COL4A2: variants seen among roughly 807,000 people sequenced by gnomAD.
COL4A2 encodes collagen alpha-2(IV) chain.
Under a neutral mutation model 200.2 loss-of-function variants are expected in COL4A2, and 99 were observed. The ratio of observed to expected loss-of-function variants is 0.49; its 90% CI spans 0.42 to 0.58. COL4A2 has a LOEUF of 0.58. Among genes scored for constraint, COL4A2 ranks in the 20% least tolerant of loss-of-function variants. The probability of loss-of-function intolerance (pLI) is 0.00; values close to 1 mark genes in which losing one functional copy is unlikely to be tolerated. For synonymous variants in COL4A2, 897 were observed against 900.6 expected, an observed-to-expected ratio of 1.00 and a Z score of 0.07; for missense variants, 1,950 against 2,314.1, an observed-to-expected ratio of 0.84 and a Z score of 3.23.
chr13:110,368,731 G>A (rs1877863891), intron 4 of COL4A2, among the ~76,000 whole-genome samples: 1 of 151,420 alleles, frequency 6.6e-6, no homozygotes, highest in African/African-American at 2.4e-5. Flanking sequence ...GTATTGTCAA[G>A]AAGCATCCTG....
At position 110,402,899 on chromosome 13, in the gene COL4A2, C is replaced by G. The variant is rs114403604; in HGVS notation, c.181-21835C>G. On this transcript the variant is annotated intron_variant, in intron 4 of 47. Transcript: ENST00000360467. ...TGCAGAGTTGGCACCACGTGGAGGT[C>G]ACGAAGGCTTCCTGCTTGTGTCCTC... 2.7e-3 allele frequency among the ~76,000 whole-genome samples: 411 copies of G among 152,358 alleles called. 3 individuals are homozygous for G. Among genetic ancestry groups the G allele is most frequent in the African/African-American group, 9.4e-3 (390 of 41,586 alleles).
chr13:110,425,751 C>T (rs1880447588), intron 6 of COL4A2, among the ~76,000 whole-genome samples: 1 of 150,646 alleles, frequency 6.6e-6, no homozygotes. Flanking sequence ...TGTATCACCA[C>T]ACACGCACAC....
At chr13:110,422,936 G>T (rs1014329664) in intron 4 of COL4A2, among the ~76,000 whole-genome samples, 1 of 152,158 alleles carries the variant, frequency 6.6e-6, no homozygotes, top group Non-Finnish European at 1.5e-5. Flanking sequence ...TGCTGAGAAT[G>T]GCATTATGAA....
In COL4A2 at chr13:110,307,298, T is replaced by C. The variant is rs1360612728; in HGVS notation, c.-275T>C. ...GCGCGGCCCGGGAGTGTGGCTGCAG[T>C]GCGCCGGGACACCAGGGCTCCGCGC... On this transcript the variant is annotated 5_prime_UTR_variant, in exon 1 of 48. Coordinates refer to ENST00000360467, the MANE Select transcript of COL4A2 (RefSeq NM_001846.4). The surrounding 1 kb of genome is among the most constrained non-coding windows in gnomAD (Gnocchi z 5.0). The C allele has an allele frequency of 1.7e-5, 6 of 358,686 alleles. No individual in the cohort carries two copies. Among genetic ancestry groups the C allele is most frequent in the Non-Finnish European group, 2.5e-5 (5 of 200,952 alleles). 22.2% of individuals were successfully genotyped at this position (358,686 alleles called of 1,614,324 possible).
In COL4A2 at chr13:110,477,911, T is replaced by C. The variant is rs1385628514; in HGVS notation, c.2426-92T>C. ...TAGAGTCCAGAAAAGCATGAATTGC[T>C]CTTTTTACAGAATGAGTGTGTGGAG... On this transcript the variant is annotated intron_variant, in intron 29 of 47. Coordinates refer to ENST00000360467, the MANE Select transcript of COL4A2 (RefSeq NM_001846.4). 9 of 1,244,004 alleles carry C rather than the reference T, an allele frequency of 7.2e-6. No individual in the cohort carries two copies. In the East Asian group the frequency reaches 2.2e-4, roughly 31 times the overall value. The allele number at this position is 1,244,004 out of a possible 1,614,324, so 77.1% of individuals were successfully genotyped here. A position where few individuals can be genotyped will look rare whatever the true frequency, so the allele number is the denominator to read the frequency against.
At chr13:110,419,512 C>G (rs1880165279) in intron 4 of COL4A2, among the ~76,000 whole-genome samples, 1 of 152,218 alleles carries the variant, frequency 6.6e-6, no homozygotes, top group African/African-American at 2.4e-5. Flanking sequence ...AAGTCTGAAG[C>G]TGTAGGGCTA....
intron 3 of COL4A2, among the ~76,000 whole-genome samples, chr13:110,312,952 G>A (rs892279904): frequency 1.3e-5 from 2 of 152,212 alleles, no homozygotes; most frequent in Non-Finnish European, 2.9e-5. Flanking sequence ...AGCAGTGAGG[G>A]CTGGCCTGTG....
In COL4A2 at chr13:110,508,226, G is replaced by T. The variant is rs767548784; in HGVS notation, c.4881+5G>T. On this transcript the variant is annotated splice_donor_5th_base_variant and intron_variant, in intron 47 of 47. Transcript: ENST00000360467. This position sits in a 1 kb window ranked among gnomAD's most constrained non-coding sequence, Gnocchi z 6.1. ...ATCGGATATTCCTTCCTCATGGTATGTGGTATTTGCCCAGTTCCCCTCCCC... is the reference window on the plus strand; with the variant it reads ...ATCGGATATTCCTTCCTCATGGTATTTGGTATTTGCCCAGTTCCCCTCCCC... The T allele has an allele frequency of 6.2e-7, 1 of 1,613,040 alleles. No individual in the cohort carries two copies. The highest frequency in any genetic ancestry group is 1.7e-5 in the Admixed American group (1 of 59,992).
chr13:110,348,962 G>A (rs529374876), intron 3 of COL4A2, among the ~76,000 whole-genome samples: 72 of 152,282 alleles, frequency 4.7e-4, no homozygotes, highest in African/African-American at 1.6e-3. Flanking sequence ...TTGTTCTTGC[G>A]ATTCATATAA....
intron 4 of COL4A2, among the ~76,000 whole-genome samples, chr13:110,407,203 C>A (rs1404572786): frequency 6.6e-6 from 1 of 152,214 alleles, no homozygotes; most frequent in Non-Finnish European, 1.5e-5. Context: ...GCACTGCGCC[C>A]CTCGGGTGGG....
chr13:110,474,139 A>G (rs1882586704), intron 29 of COL4A2, among the ~76,000 whole-genome samples: 1 of 152,114 alleles, frequency 6.6e-6, no homozygotes, highest in Admixed American at 6.5e-5. Context: ...AAAGAAAAGA[A>G]AAGAAAAGAA....
In COL4A2 at chr13:110,462,345, C is replaced by T. The variant is rs770760523; in HGVS notation, c.1737C>T (p.Arg579=). 12 of 1,613,784 alleles carry T rather than the reference C, an allele frequency of 7.4e-6. No individual in the cohort carries two copies. Among genetic ancestry groups the T allele is most frequent in the Admixed American group, 6.7e-5 (4 of 60,010 alleles). The change falls in exon 24 of 48, where the codon CGC becomes CGT. Residue 579 remains arginine (R), a synonymous_variant. Coordinates refer to ENST00000360467, the MANE Select transcript of COL4A2 (RefSeq NM_001846.4). The part of the protein sequence containing the change: ...GMKGDDGSPG[R]DGLDGFPGLP... ...AAGGTGACGATGGCAGCCCAGGCCG[C>T]GATGGGCTCGATGGATTCCCCGGCC...
At chr13:110,329,680 C>G (rs1249900454) in intron 3 of COL4A2, among the ~76,000 whole-genome samples, 1 of 152,146 alleles carries the variant, frequency 6.6e-6, no homozygotes, top group East Asian at 1.9e-4. Context: ...GTGCTGGAAC[C>G]CTGACTTTCT....
chr13:110,508,787 C>A lies in COL4A2; in HGVS notation c.4881+566C>A, dbSNP rs146227622. Among the ~76,000 whole-genome samples the A allele has an allele frequency of 1.3e-5, 2 of 152,268 alleles. No homozygotes were observed. The highest frequency in any genetic ancestry group is 6.5e-5 in the Admixed American group (1 of 15,304). On this transcript the variant is annotated intron_variant, in intron 47 of 47. Coordinates refer to ENST00000360467, the MANE Select transcript of COL4A2 (RefSeq NM_001846.4). This position sits in a 1 kb window ranked among gnomAD's most constrained non-coding sequence, Gnocchi z 6.1. ...GAAGGCACCGCCCACCCTTCCGGAT[C>A]GCCTTTGGGTATAAAATAGAGAACC...
In COL4A2 at chr13:110,508,949, A is replaced by G. The variant is rs1883979345; in HGVS notation, c.4881+728A>G. Reference sequence around the variant, plus strand: ...GGTCCCGTCCCGATAAATTCATTGTAAGATGAAGATACTATAAGTTGAAAG... The same window carrying G: ...GGTCCCGTCCCGATAAATTCATTGTGAGATGAAGATACTATAAGTTGAAAG... On this transcript the variant is annotated intron_variant, in intron 47 of 47. Transcript: ENST00000360467. This position sits in a 1 kb window ranked among gnomAD's most constrained non-coding sequence, Gnocchi z 6.1. 6.6e-6 allele frequency among the ~76,000 whole-genome samples: 1 copy of G among 152,188 alleles called. No individual in the cohort carries two copies. Among genetic ancestry groups the G allele is most frequent in the Admixed American group, 6.5e-5 (1 of 15,278 alleles).
chr13:110,393,462 A>G (rs1009977400), intron 4 of COL4A2, among the ~76,000 whole-genome samples: 12 of 152,166 alleles, frequency 7.9e-5, no homozygotes, highest in African/African-American at 2.4e-4. Context: ...TTCTGTTGAA[A>G]TGTATTTCAA....
At chr13:110,430,716 G>T in intron 10 of COL4A2, 109 bp downstream of exon 10, 1 of 1,395,812 alleles carries the variant, frequency 7.2e-7, no homozygotes, top group East Asian at 2.3e-5. Context: ...GAACAACTAT[G>T]ATGCTTATAG....
intron 6 of COL4A2, among the ~76,000 whole-genome samples, 156 bp downstream of exon 6, chr13:110,425,153 G>A (rs1277673659): frequency 6.6e-6 from 1 of 152,232 alleles, no homozygotes; most frequent in Non-Finnish European, 1.5e-5. Context: ...GCGGAATTCA[G>A]TCAGACAGTG....
In COL4A2 at chr13:110,507,980, T is replaced by C; in HGVS notation, c.4640T>C (p.Leu1547Pro). The C allele has an allele frequency of 6.2e-7, 1 of 1,614,184 alleles. No homozygotes were observed. Residue 1547 changes from leucine (L) to proline (P), a missense_variant, in exon 47 of 48, where the codon CTG becomes CCG. Around this residue, in one of 2 missense-constraint regions of COL4A2, gnomAD observed 1,385 missense variants for 1,720.5 expected, o/e 0.80. Transcript: ENST00000360467. ...CLARFSTMPF[L>P]YCNPGDVCYY... ...GCGCGGTTCAGCACCATGCCCTTCC[T>C]GTACTGCAACCCTGGTGATGTCTGC...
Sources: allele counts gnomAD v4.1 joint callset (sites outside exome capture counted in the v4.1 genomes callset), GRCh38; gene constraint gnomAD v4.1.1; regional missense constraint gnomAD v4.1.1; non-coding constraint Gnocchi (gnomAD v3.1); transcripts MANE v1.5; gene names NCBI Gene and HGNC (gene_info 2026-07-23, HGNC 2026-07-21).